Variants in CATSPERB observed in about 807,000 individuals in gnomAD.
CATSPERB encodes catsper channel auxiliary subunit beta.
Under a neutral mutation model 128.3 loss-of-function variants are expected in CATSPERB, and 93 were observed. The observed-to-expected ratio is 0.72, with a 90% CI of 0.61 to 0.86. CATSPERB has a LOEUF of 0.86. Among genes scored for constraint, CATSPERB ranks in the 40% least tolerant of loss-of-function variants. The pLI is 0.00. For synonymous variants in CATSPERB, 381 were observed against 448.8 expected (o/e 0.85, Z 1.91); for missense variants, 1,153 against 1,329.5 (o/e 0.87, Z 2.06).
chr14:91,684,539 A>G (rs1019189798), intron 10 of CATSPERB, among the ~76,000 whole-genome samples: 2 of 151,238 alleles, frequency 1.3e-5, no homozygotes, highest in Non-Finnish European at 2.9e-5. Context: ...TAAAATCTGT[A>G]TGATCTGTGT....
At chr14:91,624,442 C>G (rs1308044734) in intron 18 of CATSPERB, among the ~76,000 whole-genome samples, 1 of 152,152 alleles carries the variant, frequency 6.6e-6, no homozygotes, top group Non-Finnish European at 1.5e-5. Flanking sequence ...TGAGATTGCA[C>G]CACTGCGCTC....
chr14:91,660,176 A>G (rs1163544696), intron 14 of CATSPERB, among the ~76,000 whole-genome samples, 195 bp from the exon 15 acceptor site: 1 of 151,632 alleles, frequency 6.6e-6, no homozygotes, highest in Non-Finnish European at 1.5e-5. Context: ...TACTTTGTCT[A>G]CCTTCTATTT....
At chr14:91,683,487 C>T (rs1035843025) in intron 11 of CATSPERB, among the ~76,000 whole-genome samples, 8 of 152,154 alleles carry the variant, frequency 5.3e-5, no homozygotes, top group Non-Finnish European at 1.0e-4. Flanking sequence ...CCTTCCCACC[C>T]GACACTCCCT....
intron 14 of CATSPERB, among the ~76,000 whole-genome samples, chr14:91,660,712 A>G (rs1894864506): frequency 6.6e-6 from 1 of 152,196 alleles, no homozygotes; most frequent in South Asian, 2.1e-4. Flanking sequence ...CTTTTCTTAC[A>G]TTTCCAACTT....
At chr14:91,636,911 G>T (rs1258594903) in intron 16 of CATSPERB, among the ~76,000 whole-genome samples, 1 of 152,154 alleles carries the variant, frequency 6.6e-6, no homozygotes, top group Non-Finnish European at 1.5e-5. Flanking sequence ...TTAGAACTGG[G>T]TTCTTATTTG....
chr14:91,718,791 C>T (rs1050999205), intron 5 of CATSPERB, among the ~76,000 whole-genome samples: 1 of 152,112 alleles, frequency 6.6e-6, no homozygotes, highest in Non-Finnish European at 1.5e-5. Flanking sequence ...GGTTCCATGA[C>T]TAAAATAAAT....
rs1896099221 is a variant in CATSPERB at position 91,725,134 on chromosome 14, T to C, written c.114A>G (p.Lys38=). 2 of 1,578,452 alleles carry C rather than the reference T, an allele frequency of 1.3e-6. No homozygotes were observed. Among genetic ancestry groups the C allele is most frequent in the Non-Finnish European group, 1.7e-6 (2 of 1,164,230 alleles). The stretch of plus-strand genomic sequence containing the variant: ...TTATTTCATTCTCTTGAGGGAACCC[T>C]TTGTTAGAACATGCAAAGCGTTTCT... ...DTEKRFACSN[K]GFPQENEIIK... Residue 38 remains lysine (K), a synonymous_variant, in exon 3 of 27, where the codon AAA becomes AAG. Transcript: ENST00000256343.
intron 11 of CATSPERB, among the ~76,000 whole-genome samples, chr14:91,680,813 A>C (rs1040126204): frequency 6.6e-6 from 1 of 152,164 alleles, no homozygotes; most frequent in Non-Finnish European, 1.5e-5. Context: ...CAACTGAACA[A>C]ACCCTCCCCC....
chr14:91,580,974 A>C lies in CATSPERB; in HGVS notation c.3266T>G (p.Phe1089Cys), dbSNP rs1352806158. The C allele has an allele frequency of 6.2e-7, 1 of 1,614,102 alleles. No individual in the cohort carries two copies. The highest frequency in any genetic ancestry group is 8.5e-7 in the Non-Finnish European group (1 of 1,180,026). ...TTGGTTTCTTCTAATCCATCTTTGG[A>C]ATGTCCTCCACGGATGGATGCCTTG... is the stretch of plus-strand genomic sequence containing the variant. ...QLQGIHPWRT[F>C]QRWIRRNQEK... The change falls in exon 27 of 27, where the codon TTC (phenylalanine) becomes TGC (cysteine). Residue 1089 changes from phenylalanine to cysteine, a missense_variant. By Grantham distance (205) the Phe-to-Cys change is radical. Coordinates refer to ENST00000256343, the MANE Select transcript of CATSPERB (RefSeq NM_024764.4).
chr14:91,595,644 C>T (rs1157692606), intron 22 of CATSPERB, among the ~76,000 whole-genome samples: 3 of 152,100 alleles, frequency 2.0e-5, no homozygotes, highest in Admixed American at 1.3e-4. Flanking sequence ...GGACTGTGTA[C>T]ACAAAATATG....
intron 14 of CATSPERB, among the ~76,000 whole-genome samples, chr14:91,661,897 T>C (rs1894894659): frequency 6.6e-6 from 1 of 152,126 alleles, no homozygotes; most frequent in Admixed American, 6.5e-5. Flanking sequence ...GTCCCACCAG[T>C]AGTGTATGAG....
chr14:91,692,604 C>T (rs984498338), intron 9 of CATSPERB, among the ~76,000 whole-genome samples: 2 of 152,174 alleles, frequency 1.3e-5, no homozygotes, highest in African/African-American at 2.4e-5. Context: ...TTCCCTCTAT[C>T]TTTTCTCCTA....
chr14:91,614,973 G>T (rs1269929915), intron 20 of CATSPERB, among the ~76,000 whole-genome samples: 1 of 152,050 alleles, frequency 6.6e-6, no homozygotes, highest in African/African-American at 2.4e-5. Flanking sequence ...AGAACATTTA[G>T]AATTTACTCT....
At chr14:91,616,781 G>T (rs572461912) in intron 20 of CATSPERB, among the ~76,000 whole-genome samples, 9 of 89,856 alleles carry the variant, frequency 1.0e-4, no homozygotes, top group Admixed American at 1.9e-4. Context: ...CACTCTTGTT[G>T]CCCAGGCTGG....
rs113986930 is a variant in CATSPERB at position 91,730,470 on chromosome 14, C to T, written c.1-991G>A. On this transcript the variant is annotated intron_variant, in intron 1 of 26. Coordinates refer to ENST00000256343, the MANE Select transcript of CATSPERB (RefSeq NM_024764.4). ...AGAAAATAAATTTCTGTTGTTTAAG[C>T]CACCCAGTGTATGGGCCTTTGTTAT... Among the ~76,000 whole-genome samples, 739 of 152,242 alleles carry T rather than the reference C, an allele frequency of 4.9e-3. 7 individuals are homozygous for T. Among genetic ancestry groups the T allele is most frequent in the African/African-American group, 0.017 (698 of 41,544 alleles).
rs1895472267 is a variant in CATSPERB, at chr14:91,691,541, G to T, written c.846C>A (p.Asp282Glu). The T allele has an allele frequency of 1.9e-6, 3 of 1,603,800 alleles. No individual in the cohort carries two copies. Among genetic ancestry groups the T allele is most frequent in the Non-Finnish European group, 2.6e-6 (3 of 1,174,816 alleles). ...TTCTTACCCTTTCAAAACCACAAAA[G>T]TCTGCCCTGGAAAACTAGAAGAAAA... ...SRHSLSFSRADFCGFERVDYV... is the reference protein window; with the variant it reads ...SRHSLSFSRAEFCGFERVDYV... Residue 282 changes from aspartate to glutamate, a missense_variant, in exon 10 of 27, where the codon GAC (aspartate) becomes GAA (glutamate). By Grantham distance (45) the Asp-to-Glu change is conservative. Coordinates refer to ENST00000256343, the MANE Select transcript of CATSPERB (RefSeq NM_024764.4).
At chr14:91,718,731 C>T (rs1174318441) in intron 5 of CATSPERB, among the ~76,000 whole-genome samples, 1 of 152,138 alleles carries the variant, frequency 6.6e-6, no homozygotes, top group African/African-American at 2.4e-5. Context: ...GATGGTTTTC[C>T]ATTTCTTATT....
intron 26 of CATSPERB, among the ~76,000 whole-genome samples, chr14:91,583,619 C>T (rs1324409510): frequency 6.6e-6 from 1 of 152,132 alleles, no homozygotes; most frequent in African/African-American, 2.4e-5. Context: ...AACGTTAGAC[C>T]TCAGAATTAT....
intron 19 of CATSPERB, among the ~76,000 whole-genome samples, chr14:91,618,941 G>T (rs1187195415): frequency 6.6e-6 from 1 of 152,206 alleles, no homozygotes; most frequent in Admixed American, 6.5e-5. Context: ...TGCTAACACA[G>T]GTTCAGGGAC....
Sources: allele counts gnomAD v4.1 joint callset (sites outside exome capture counted in the v4.1 genomes callset), GRCh38; gene constraint gnomAD v4.1.1; transcripts MANE v1.5; gene names NCBI Gene and HGNC (gene_info 2026-07-23, HGNC 2026-07-21).